NFYC: variants seen among roughly 807,000 people sequenced by gnomAD.
NFYC encodes the protein nuclear transcription factor Y subunit gamma.
Under a neutral mutation model 53.1 loss-of-function variants are expected in NFYC, and 25 were observed. The observed-to-expected ratio is 0.47, with a 90% CI of 0.34 to 0.66. The LOEUF is 0.66. Ranked by LOEUF, NFYC falls within the 30% of genes least tolerant of loss-of-function variation. The pLI is 0.01. For synonymous variants in NFYC, 145 were observed against 152.6 expected, an observed-to-expected ratio of 0.95 and a Z score of 0.37; for missense variants, 260 against 422.7, an observed-to-expected ratio of 0.62 and a Z score of 3.38.
intron 1 of NFYC, among the ~76,000 whole-genome samples, chr1:40,698,399 T>G (rs1214801564): frequency 6.6e-6 from 1 of 151,924 alleles, no homozygotes; most frequent in Non-Finnish European, 1.5e-5. Flanking sequence ...AGGTACTATA[T>G]ATAAGGTGTC....
At chr1:40,765,814 A>C (rs537602469) in intron 7 of NFYC, among the ~76,000 whole-genome samples, 1 of 152,314 alleles carries the variant, frequency 6.6e-6, no homozygotes, top group South Asian at 2.1e-4. Flanking sequence ...TTCATGGTAC[A>C]CTGGAGCATT....
chr1:40,701,862 A>G (rs569159), intron 1 of NFYC, among the ~76,000 whole-genome samples: 119,464 of 152,176 alleles, frequency 0.79, 47,523 homozygotes, highest in African/African-American at 0.9. Context: ...ACTGGCCTCG[A>G]TGGAGTTGAA....
intron 3 of NFYC, among the ~76,000 whole-genome samples, chr1:40,749,280 G>C (rs910085595): frequency 6.6e-6 from 1 of 152,140 alleles, no homozygotes; most frequent in Non-Finnish European, 1.5e-5. Flanking sequence ...CTCTATGGCT[G>C]TGGGCAAGTC....
At chr1:40,716,683 CAT>C (rs1644147912) in intron 1 of NFYC, among the ~76,000 whole-genome samples, 1 of 152,066 alleles carries the variant, frequency 6.6e-6, no homozygotes, top group South Asian at 2.1e-4. Flanking sequence ...TAGGTAGTAA[CAT>C]AAAGGGCTTA....
chr1:40,696,550 A>T (rs1274284595), intron 1 of NFYC, among the ~76,000 whole-genome samples: 1 of 152,198 alleles, frequency 6.6e-6, no homozygotes, highest in Non-Finnish European at 1.5e-5. Context: ...TGCCCAGATC[A>T]CTGGATTTCC....
rs773577828 is a variant in NFYC, at chr1:40,770,795, C to T, written c.975C>T (p.Ser325=). ...TCATCCAGTCAGCCAACCAGCCCTC[C>T]GACGGGCAGGCCCCCCAGGTGACCG... ...PMFIQSANQP[S]DGQAPQVTGD The change falls in exon 10 of 10, where the codon TCC becomes TCT. Residue 325 remains serine, a synonymous_variant. Transcript: ENST00000447388. The surrounding 1 kb of genome is among the most constrained non-coding windows in gnomAD (Gnocchi z 5.3). The T allele has an allele frequency of 1.2e-5, 20 of 1,611,756 alleles. No homozygotes were observed. Among genetic ancestry groups the T allele is most frequent in the Middle Eastern group, 1.6e-4 (1 of 6,084 alleles).
intron 7 of NFYC, among the ~76,000 whole-genome samples, chr1:40,764,861 A>G (rs1047309636): frequency 1.3e-5 from 2 of 152,192 alleles, no homozygotes; most frequent in Non-Finnish European, 2.9e-5. Context: ...ACCTAGGCCA[A>G]AAAGGAAAGC....
chr1:40,769,361 A>T lies in NFYC; in HGVS notation c.834A>T (p.Thr278=), dbSNP rs1365720776. 3.7e-6 allele frequency: 6 copies of T among 1,613,930 alleles called. No individual in the cohort carries two copies. The South Asian group carries it at 5.5e-5, about 15-fold the overall frequency. Residue 278 remains threonine (T), a synonymous_variant, in exon 9 of 10, where the codon ACA becomes ACT. Coordinates refer to ENST00000447388, the MANE Select transcript of NFYC (RefSeq NM_014223.5). The part of the protein sequence containing the change: ...QTLATNAQQI[T]QTEVQQGQQQ... ...TACCATCTTGATTCTTACAGATTAC[A>T]CAGACAGAGGTCCAGCAAGGACAGC... is the stretch of plus-strand genomic sequence containing the variant.
At chr1:40,695,131 C>T (rs534985805) in intron 1 of NFYC, among the ~76,000 whole-genome samples, 16 of 152,060 alleles carry the variant, frequency 1.1e-4, no homozygotes, top group East Asian at 5.8e-4. Flanking sequence ...CCCAGCTACT[C>T]GGAAGACTGA....
At chr1:40,707,981 C>G (rs767918797) in intron 1 of NFYC, among the ~76,000 whole-genome samples, 3 of 152,106 alleles carry the variant, frequency 2.0e-5, no homozygotes, top group Non-Finnish European at 2.9e-5. Context: ...CGTCAGCCCT[C>G]TGCATCTAAG....
intron 9 of NFYC, among the ~76,000 whole-genome samples, chr1:40,769,912 C>T (rs1647002484): frequency 6.6e-6 from 1 of 152,176 alleles, no homozygotes; most frequent in South Asian, 2.1e-4. Context: ...CTGCTTTCCC[C>T]TCACAGTACA....
chr1:40,701,981 C>G lies in NFYC; in HGVS notation c.-9+10114C>G, dbSNP rs183300336. ...TTTCTTGCTGCTGCACATGACTGCT[C>G]TCTCTCATGTTGCCTTTACACATCC... On this transcript the variant is annotated intron_variant, in intron 1 of 9. Coordinates refer to ENST00000447388, the MANE Select transcript of NFYC (RefSeq NM_014223.5). 5.9e-4 allele frequency among the ~76,000 whole-genome samples: 89 copies of G among 151,258 alleles called. 2 individuals carry two copies. The East Asian group carries it at 0.011, about 18-fold the overall frequency.
chr1:40,728,720 C>T (rs1001569317), intron 1 of NFYC, among the ~76,000 whole-genome samples: 3 of 152,042 alleles, frequency 2.0e-5, no homozygotes, highest in Non-Finnish European at 2.9e-5. Context: ...TCACTGCAAC[C>T]TCTGCCTCCT....
At chr1:40,752,919 T>C (rs1239223238) in intron 4 of NFYC, among the ~76,000 whole-genome samples, 1 of 152,106 alleles carries the variant, frequency 6.6e-6, no homozygotes, top group Non-Finnish European at 1.5e-5. Flanking sequence ...GAGGCTCAGA[T>C]ACCCCATTTT....
At chr1:40,752,023 T>C (rs999084196) in intron 4 of NFYC, among the ~76,000 whole-genome samples, 3 of 152,256 alleles carry the variant, frequency 2.0e-5, no homozygotes, top group Non-Finnish European at 4.4e-5. Flanking sequence ...TTCCATCCTC[T>C]CCTGTTTTGT....
At chr1:40,703,093 A>G (rs1245836601) in intron 1 of NFYC, among the ~76,000 whole-genome samples, 1 of 152,218 alleles carries the variant, frequency 6.6e-6, no homozygotes, top group Admixed American at 6.5e-5. Context: ...TTGGGATTAC[A>G]GGCATGAGCC....
At chr1:40,728,970 T>A (rs1425707384) in intron 1 of NFYC, among the ~76,000 whole-genome samples, 1 of 152,176 alleles carries the variant, frequency 6.6e-6, no homozygotes, top group East Asian at 1.9e-4. Flanking sequence ...GGTATATTGT[T>A]AGTGAGCAGT....
chr1:40,742,295 C>T (rs1645392885), intron 2 of NFYC, among the ~76,000 whole-genome samples: 1 of 151,620 alleles, frequency 6.6e-6, no homozygotes. Context: ...TGTTAATGGA[C>T]ATTTGGGTTG....
intron 1 of NFYC, among the ~76,000 whole-genome samples, chr1:40,707,358 G>C (rs183305389): frequency 2.6e-5 from 4 of 151,050 alleles, no homozygotes; most frequent in African/African-American, 9.8e-5. Flanking sequence ...GCTGGGCATG[G>C]TGGTGGGTGC....
Sources: allele counts gnomAD v4.1 joint callset (sites outside exome capture counted in the v4.1 genomes callset), GRCh38; gene constraint gnomAD v4.1.1; non-coding constraint Gnocchi (gnomAD v3.1); transcripts MANE v1.5; gene names NCBI Gene and HGNC (gene_info 2026-07-23, HGNC 2026-07-21).